TSPAN5: variants seen among roughly 807,000 people sequenced by gnomAD.
TSPAN5 encodes the protein tetraspanin 5, also known as tetraspanin-5.
A neutral mutation model predicts 37.1 loss-of-function variants in TSPAN5; 10 were observed. The ratio of observed to expected loss-of-function variants is 0.27; its 90% CI spans 0.17 to 0.46. The LOEUF is 0.46. Ranked by LOEUF, TSPAN5 falls within the 20% of genes least tolerant of loss-of-function variation. The pLI is 1.00. For synonymous variants in TSPAN5, 110 were observed against 118.9 expected (o/e 0.93, Z 0.48); for missense variants, 195 against 326.6 (o/e 0.60, Z 3.11).
At chr4:98,651,503 G>A (rs1368319736) in intron 1 of TSPAN5, among the ~76,000 whole-genome samples, 2 of 152,174 alleles carry the variant, frequency 1.3e-5, no homozygotes, top group African/African-American at 2.4e-5. Context: ...GGTGATCTAG[G>A]AGAATAGTCC....
intron 1 of TSPAN5, among the ~76,000 whole-genome samples, chr4:98,590,964 C>CTGGTG (rs1298375559): frequency 6.6e-6 from 1 of 152,110 alleles, no homozygotes; most frequent in East Asian, 1.9e-4. Context: ...ACCTCAAAGA[C>CTGGTG]TGGTGTGTAC....
At chr4:98,543,484 C>T (rs1019611345) in intron 1 of TSPAN5, among the ~76,000 whole-genome samples, 26 of 150,324 alleles carry the variant, frequency 1.7e-4, no homozygotes, top group Non-Finnish European at 3.1e-4. Context: ...GGCGTGATCT[C>T]GGCTCACCAC....
intron 1 of TSPAN5, among the ~76,000 whole-genome samples, chr4:98,610,617 G>A (rs756414528): frequency 1.3e-5 from 2 of 152,316 alleles, no homozygotes; most frequent in South Asian, 2.1e-4. Context: ...CGCTCAGCAC[G>A]TATCTGTCGA....
intron 1 of TSPAN5, among the ~76,000 whole-genome samples, chr4:98,517,718 C>T (rs989095107): frequency 3.3e-5 from 5 of 151,980 alleles, no homozygotes; most frequent in Admixed American, 1.3e-4. Flanking sequence ...AATGCAGGCA[C>T]GTAAAAGGGA....
At chr4:98,623,024 T>C (rs1454695883) in intron 1 of TSPAN5, among the ~76,000 whole-genome samples, 1 of 152,192 alleles carries the variant, frequency 6.6e-6, no homozygotes, top group East Asian at 1.9e-4. Context: ...CAAAAAAGGA[T>C]AAACACCATT....
chr4:98,491,779 G>A (rs1449198794), intron 2 of TSPAN5, among the ~76,000 whole-genome samples: 1 of 151,698 alleles, frequency 6.6e-6, no homozygotes, highest in East Asian at 1.9e-4. Context: ...GTCTTCTGTT[G>A]TCCTAAAGAT....
chr4:98,497,708 TCAAGGGTTATTTCTAGCAAAA>T (rs1216284890), intron 2 of TSPAN5, among the ~76,000 whole-genome samples: 1 of 44,550 alleles, frequency 2.2e-5, no homozygotes, highest in Non-Finnish European at 4.3e-5. Context: ...ATTATGTCAG[TCAAGGGTTATTTCTAGCAAAA>T]CATCCAGTGA....
intron 1 of TSPAN5, among the ~76,000 whole-genome samples, chr4:98,637,052 G>A (rs1171135362): frequency 6.6e-6 from 1 of 152,174 alleles, no homozygotes; most frequent in Non-Finnish European, 1.5e-5. Context: ...GCTTCCCCAT[G>A]AGAAGCCCCA....
intron 2 of TSPAN5, among the ~76,000 whole-genome samples, chr4:98,489,435 C>G (rs1753039029): frequency 6.6e-6 from 1 of 152,186 alleles, no homozygotes; most frequent in Non-Finnish European, 1.5e-5. Flanking sequence ...GAGATATAAA[C>G]TCAGGCATTC....
At chr4:98,640,718 A>G (rs552006676) in intron 1 of TSPAN5, among the ~76,000 whole-genome samples, 176 of 152,364 alleles carry the variant, frequency 1.2e-3, no homozygotes, top group African/African-American at 3.5e-3. Context: ...AAAGCCTGGC[A>G]TTAGTGACAA....
intron 2 of TSPAN5, among the ~76,000 whole-genome samples, chr4:98,499,761 T>C (rs1372059266): frequency 1.4e-5 from 2 of 147,982 alleles, no homozygotes; most frequent in African/African-American, 2.5e-5. Flanking sequence ...CCTGGGTTCA[T>C]ACCATTCTCC....
chr4:98,621,798 C>G (rs1579037143), intron 1 of TSPAN5, among the ~76,000 whole-genome samples: 2 of 150,118 alleles, frequency 1.3e-5, no homozygotes, highest in South Asian at 2.1e-4. Context: ...ACCCCCCCCG[C>G]AGCCCCTGGC....
chr4:98,488,060 T>C lies in TSPAN5; in HGVS notation c.133-1176A>G, dbSNP rs554904229. Among the ~76,000 whole-genome samples, 9 of 152,318 alleles carry C rather than the reference T, an allele frequency of 5.9e-5. No homozygotes were observed. The East Asian group carries it at 1.7e-3, about 29-fold the overall frequency. ...CCTTAATAATAAAAAAAAATTGTTTTCAAAGCACTCCCAATAACCTGTAAG... is the reference window on the plus strand; with the variant it reads ...CCTTAATAATAAAAAAAAATTGTTTCCAAAGCACTCCCAATAACCTGTAAG... On this transcript the variant is annotated intron_variant, in intron 2 of 7. Coordinates refer to ENST00000305798, the MANE Select transcript of TSPAN5 (RefSeq NM_005723.4).
chr4:98,516,557 T>C (rs549240269), intron 1 of TSPAN5, among the ~76,000 whole-genome samples: 3 of 152,346 alleles, frequency 2.0e-5, no homozygotes, highest in African/African-American at 7.2e-5. Flanking sequence ...GGGCATTCTG[T>C]TACATGCAGC....
intron 1 of TSPAN5, among the ~76,000 whole-genome samples, chr4:98,545,080 A>G (rs1482727763): frequency 2.0e-5 from 3 of 152,200 alleles, no homozygotes; most frequent in Admixed American, 2.0e-4. Flanking sequence ...GCAAGGAGTC[A>G]GGAGGGGTGA....
At chr4:98,514,125 GA>G (rs200725641) in intron 1 of TSPAN5, among the ~76,000 whole-genome samples, 1 of 151,932 alleles carries the variant, frequency 6.6e-6, no homozygotes, top group South Asian at 2.1e-4. Flanking sequence ...ACAATGAATG[GA>G]AAAAAACCCA....
intron 1 of TSPAN5, among the ~76,000 whole-genome samples, chr4:98,549,026 G>A (rs1754539410): frequency 3.3e-5 from 5 of 152,076 alleles, no homozygotes. Flanking sequence ...GACTTGAGGT[G>A]TTTTTAAATA....
chr4:98,588,788 A>G (rs887796376), intron 1 of TSPAN5, among the ~76,000 whole-genome samples: 2 of 152,252 alleles, frequency 1.3e-5, no homozygotes, highest in African/African-American at 4.8e-5. Flanking sequence ...AGAAGACTTC[A>G]AATGTTGTTT....
At chr4:98,481,221 T>C (rs1752831852) in intron 4 of TSPAN5, among the ~76,000 whole-genome samples, 1 of 152,146 alleles carries the variant, frequency 6.6e-6, no homozygotes, top group Non-Finnish European at 1.5e-5. Context: ...AGTTAGACAG[T>C]AGCTAGTATT....
Sources: allele counts gnomAD v4.1 joint callset (sites outside exome capture counted in the v4.1 genomes callset), GRCh38; gene constraint gnomAD v4.1.1; transcripts MANE v1.5; gene names NCBI Gene and HGNC (gene_info 2026-07-23, HGNC 2026-07-21).